The following DMD variants were observed in gnomAD, a reference collection of about 807,000 sequenced individuals.
DMD encodes the protein dystrophin.
Under a neutral mutation model 330.1 loss-of-function variants are expected in DMD, and 63 were observed. That is an observed-to-expected ratio of 0.19 (90% CI 0.16 to 0.24). The LOEUF is 0.24. Among genes scored for constraint, DMD ranks in the 10% least tolerant of loss-of-function variants. The pLI, the probability that DMD is intolerant of heterozygous loss-of-function variation, is 1.00. For missense variants in DMD, 3,344 were observed against 2,684.1 expected, an observed-to-expected ratio of 1.25 and a Z score of -5.43; for synonymous variants, 1,223 against 959.8, an observed-to-expected ratio of 1.27 and a Z score of -5.07.
At chrX:32,763,255 T>G (rs949279011) in intron 7 of DMD, among the ~76,000 whole-genome samples, 3 of 112,495 alleles carry the variant, frequency 2.7e-5, no homozygotes, top group Non-Finnish European at 5.6e-5. Context: ...ACAATCGTTA[T>G]ACTTTTAAAT....
chrX:31,654,372 T>A (rs2080648082), intron 54 of DMD, among the ~76,000 whole-genome samples: 1 of 112,039 alleles, frequency 8.9e-6, no homozygotes, highest in African/African-American at 3.2e-5. Context: ...CAGAAAACTT[T>A]CCACAGAATC....
At chrX:33,278,056 A>T in intron 1 of DMD, among the ~76,000 whole-genome samples, 1 of 111,243 alleles carries the variant, frequency 9.0e-6, no homozygotes, top group Non-Finnish European at 1.9e-5. Context: ...AGTGAGCTAC[A>T]ATCGCACCAC....
intron 42 of DMD, among the ~76,000 whole-genome samples, chrX:32,294,054 C>T (rs992688741): frequency 1.8e-5 from 2 of 111,876 alleles, no homozygotes; most frequent in Non-Finnish European, 3.8e-5. Context: ...CGTGCACCAA[C>T]ATATCTTCTT....
chrX:32,622,213 C>T (rs944763313), intron 11 of DMD, among the ~76,000 whole-genome samples: 26 of 111,222 alleles, frequency 2.3e-4, no homozygotes, highest in Non-Finnish European at 4.7e-4. Flanking sequence ...ACCTGAGGCT[C>T]CAAAAAGCAG....
At position 31,180,408 on chromosome X, in the gene DMD, G is replaced by C; in HGVS notation, c.10048C>G (p.His3350Asp). ...TCCACCATGGGATAGTGCATTTTATGGCCTTTTGCAACTCGACCAGAAAAA... is the reference window on the plus strand; with the variant it reads ...TCCACCATGGGATAGTGCATTTTATCGCCTTTTGCAACTCGACCAGAAAAA... ...CFFSGRVAKG[H>D]KMHYPMVEYC... The change falls in exon 69 of 79, where the codon CAT becomes GAT. Residue 3350 changes from histidine (H) to aspartate (D), a missense_variant. His to Asp is a moderately conservative substitution (Grantham distance 81, BLOSUM62 -1). Coordinates refer to ENST00000357033, the MANE Select transcript of DMD (RefSeq NM_004006.3). The C allele has an allele frequency of 8.3e-7, 1 of 1,210,043 alleles. No individual in the cohort carries two copies. The highest frequency in any genetic ancestry group is 1.1e-6 in the Non-Finnish European group (1 of 894,093).
intron 1 of DMD, among the ~76,000 whole-genome samples, chrX:33,233,798 G>A (rs901864025): frequency 9.0e-6 from 1 of 111,101 alleles, no homozygotes; most frequent in African/African-American, 3.3e-5. Flanking sequence ...ACACACACAT[G>A]AGTATAGGTA....
intron 2 of DMD, among the ~76,000 whole-genome samples, chrX:33,002,712 T>C (rs1206158339): frequency 9.2e-6 from 1 of 109,079 alleles, no homozygotes; most frequent in African/African-American, 3.3e-5. Flanking sequence ...GAGTAGCCTC[T>C]GGTCCTTATG....
chrX:32,856,976 G>A (rs2081619587), intron 2 of DMD, among the ~76,000 whole-genome samples: 1 of 110,208 alleles, frequency 9.1e-6, no homozygotes, highest in Non-Finnish European at 1.9e-5. Flanking sequence ...TTGGGAGGCT[G>A]AGGCAGGAGA....
At chrX:31,555,630 A>C (rs913648560) in intron 55 of DMD, among the ~76,000 whole-genome samples, 2 of 111,716 alleles carry the variant, frequency 1.8e-5, no homozygotes, top group Admixed American at 1.9e-4. Context: ...GTGGCCATGC[A>C]TTCTTGTCTC....
intron 55 of DMD, among the ~76,000 whole-genome samples, chrX:31,593,985 G>A (rs747826642): frequency 1.7e-4 from 19 of 110,946 alleles, no homozygotes; most frequent in African/African-American, 5.2e-4. Flanking sequence ...ATGACTAAAC[G>A]ATTTTTTAAT....
At chrX:31,516,188 T>G (rs760454203) in intron 55 of DMD, among the ~76,000 whole-genome samples, 6 of 110,346 alleles carry the variant, frequency 5.4e-5, no homozygotes, top group African/African-American at 2.0e-4. Flanking sequence ...AAATTTTGTA[T>G]GTCTGGTATT....
intron 53 of DMD, among the ~76,000 whole-genome samples, chrX:31,667,841 AC>A (rs2081518180): frequency 9.0e-6 from 1 of 111,419 alleles, no homozygotes; most frequent in Non-Finnish European, 1.9e-5. Context: ...ATTTCCAGGA[AC>A]TTCCAAACTG....
At chrX:32,851,730 G>T (rs1181671656) in intron 2 of DMD, among the ~76,000 whole-genome samples, 2 of 112,325 alleles carry the variant, frequency 1.8e-5, no homozygotes, top group Non-Finnish European at 3.8e-5. Flanking sequence ...TCATGTAGAC[G>T]ATCTGTGTGC....
At chrX:31,189,193 G>A (rs1382434525) in intron 67 of DMD, among the ~76,000 whole-genome samples, 3 of 111,690 alleles carry the variant, frequency 2.7e-5, no homozygotes, top group East Asian at 2.8e-4. Flanking sequence ...CCATGAACAC[G>A]TACATTGTAT....
chrX:32,498,897 A>C (rs1254708376), intron 19 of DMD, among the ~76,000 whole-genome samples: 1 of 111,502 alleles, frequency 9.0e-6, no homozygotes, highest in African/African-American at 3.3e-5. Flanking sequence ...TTGTACTTTC[A>C]ACAACCTTAA....
At chrX:31,506,533 G>A (rs747772922) in intron 56 of DMD, among the ~76,000 whole-genome samples, 6 of 112,352 alleles carry the variant, frequency 5.3e-5, no homozygotes, top group East Asian at 2.8e-4. Context: ...TACAATGGGC[G>A]TTTTACTTAC....
chrX:32,697,455 AATGT>A (rs1468333102), intron 9 of DMD, among the ~76,000 whole-genome samples: 3 of 112,025 alleles, frequency 2.7e-5, no homozygotes, highest in Admixed American at 9.5e-5. Flanking sequence ...ATTCACTTAG[AATGT>A]ATGTATTTCC....
At chrX:33,234,283 T>A (rs187459847) in intron 1 of DMD, among the ~76,000 whole-genome samples, 1 of 112,161 alleles carries the variant, frequency 8.9e-6, no homozygotes, top group East Asian at 2.8e-4. Context: ...TCATATGGTC[T>A]TGTAAAATAG....
intron 1 of DMD, among the ~76,000 whole-genome samples, chrX:33,154,960 C>A (rs761941330): frequency 8.9e-6 from 1 of 112,022 alleles, no homozygotes; most frequent in South Asian, 3.7e-4. Context: ...ATGTGATTTT[C>A]TTCATCTAAT....
Sources: gnomAD v4.1 joint callset for allele counts (sites outside exome capture counted in the v4.1 genomes callset) on GRCh38, gnomAD v4.1.1 for gene constraint, MANE v1.5 for transcripts, NCBI Gene and HGNC (gene_info 2026-07-23, HGNC 2026-07-21) for gene names.